The following GPC5 variants were observed in gnomAD, a reference collection of about 807,000 sequenced individuals.
The protein encoded by GPC5 is glypican 5, also known as glypican-5.
A neutral mutation model predicts 53.9 loss-of-function variants in GPC5; 47 were observed. The observed-to-expected ratio is 0.87, with a 90% CI of 0.69 to 1.11. The LOEUF (loss-of-function observed/expected upper bound fraction) is 1.11. Among genes scored for constraint, GPC5 ranks in the 50% most tolerant of loss-of-function variants. The probability of loss-of-function intolerance (pLI) is 0.00; values close to 1 mark genes in which losing one functional copy is unlikely to be tolerated. For synonymous variants in GPC5, 286 were observed against 263.3 expected, an observed-to-expected ratio of 1.09 and a Z score of -0.84; for missense variants, 748 against 713.1, an observed-to-expected ratio of 1.05 and a Z score of -0.56.
At position 92,021,470 on chromosome 13, in the gene GPC5, T is replaced by A. The variant is rs2040757707; in HGVS notation, c.1401+113413T>A. Among the ~76,000 whole-genome samples, 11 of 152,222 alleles carry A rather than the reference T, an allele frequency of 7.2e-5. 2 individuals are homozygous for A. In the Middle Eastern group the frequency reaches 0.027, roughly 377 times the overall value. Reference sequence around the variant, plus strand: ...GTAGAATGATGATGGCCAGGCCAGGTGCAGGGAACTGGGAAGGTTCTAATC... The same window carrying A: ...GTAGAATGATGATGGCCAGGCCAGGAGCAGGGAACTGGGAAGGTTCTAATC... On this transcript the variant is annotated intron_variant, in intron 6 of 7. Transcript: ENST00000377067.
chr13:91,872,153 AG>A (rs2039152417), intron 5 of GPC5, among the ~76,000 whole-genome samples: 1 of 152,170 alleles, frequency 6.6e-6, no homozygotes, highest in Non-Finnish European at 1.5e-5. Context: ...CCTCTTTTCC[AG>A]CTGTAAATGG....
chr13:92,714,632 A>C (rs1888262564), intron 7 of GPC5, among the ~76,000 whole-genome samples: 1 of 152,144 alleles, frequency 6.6e-6, no homozygotes, highest in Non-Finnish European at 1.5e-5. Context: ...AGCCTTGGAG[A>C]TATTGTGGCA....
intron 6 of GPC5, among the ~76,000 whole-genome samples, chr13:91,946,218 G>C (rs2039973377): frequency 6.6e-6 from 1 of 151,982 alleles, no homozygotes; most frequent in East Asian, 1.9e-4. Context: ...TTTGTCTCAT[G>C]GTTTCTCTGA....
At chr13:92,057,958 T>C (rs561331229) in intron 6 of GPC5, among the ~76,000 whole-genome samples, 1 of 152,082 alleles carries the variant, frequency 6.6e-6, no homozygotes, top group East Asian at 1.9e-4. Context: ...AAGTTGCAGG[T>C]TAGTTCTGGA....
intron 7 of GPC5, among the ~76,000 whole-genome samples, chr13:92,296,210 G>C (rs1236884153): frequency 6.6e-6 from 1 of 152,102 alleles, no homozygotes; most frequent in African/African-American, 2.4e-5. Context: ...CTTAGCTTTG[G>C]TGGTTTAATG....
At chr13:92,629,656 G>T (rs953613813) in intron 7 of GPC5, among the ~76,000 whole-genome samples, 1 of 152,136 alleles carries the variant, frequency 6.6e-6, no homozygotes, top group Admixed American at 6.5e-5. Context: ...AAGTCATAAA[G>T]TGTGAGCACC....
chr13:92,524,189 T>A (rs899162341), intron 7 of GPC5, among the ~76,000 whole-genome samples: 1 of 152,090 alleles, frequency 6.6e-6, no homozygotes. Context: ...AGAATTTGTT[T>A]CAAAACTTTG....
At chr13:91,678,079 T>C (rs1047085831) in intron 2 of GPC5, among the ~76,000 whole-genome samples, 1 of 152,198 alleles carries the variant, frequency 6.6e-6, no homozygotes, top group East Asian at 1.9e-4. Flanking sequence ...CTAAAAGAAT[T>C]GCCTACCTTC....
intron 2 of GPC5, among the ~76,000 whole-genome samples, chr13:91,680,684 C>A (rs1478125465): frequency 2.6e-5 from 4 of 152,150 alleles, no homozygotes; most frequent in African/African-American, 9.7e-5. Flanking sequence ...TAACAATGAT[C>A]TGAAAAGCCT....
At chr13:92,060,313 C>T (rs537195444) in intron 6 of GPC5, among the ~76,000 whole-genome samples, 2 of 152,046 alleles carry the variant, frequency 1.3e-5, no homozygotes, top group South Asian at 4.1e-4. Context: ...ATTCATTCTA[C>T]CTTTGAAATT....
At chr13:92,152,065 C>A (rs970675041) in intron 7 of GPC5, among the ~76,000 whole-genome samples, 2 of 151,778 alleles carry the variant, frequency 1.3e-5, no homozygotes, top group Non-Finnish European at 2.9e-5. Flanking sequence ...TACAGAGGAA[C>A]AGAATTATTT....
At chr13:92,282,459 G>T (rs1469891099) in intron 7 of GPC5, among the ~76,000 whole-genome samples, 1 of 152,092 alleles carries the variant, frequency 6.6e-6, no homozygotes, top group Non-Finnish European at 1.5e-5. Context: ...ATTCACCAAA[G>T]TTGAAATGAA....
At chr13:92,560,147 G>T (rs1411189240) in intron 7 of GPC5, among the ~76,000 whole-genome samples, 2 of 151,854 alleles carry the variant, frequency 1.3e-5, no homozygotes, top group Non-Finnish European at 2.9e-5. Context: ...TAAACAAATT[G>T]TGATAGAACC....
chr13:91,509,050 C>G (rs1885095862), intron 2 of GPC5, among the ~76,000 whole-genome samples: 1 of 151,948 alleles, frequency 6.6e-6, no homozygotes, highest in Non-Finnish European at 1.5e-5. Context: ...GCTTTTTGAG[C>G]CTTGAAGGTT....
rs1357236485 is a variant in GPC5, at chr13:91,985,427, C to T, written c.1401+77370C>T. Reference sequence around the variant, plus strand: ...TGCCTTTTAATTATTTGGTTCACTTCGATTTTTTAAATCTACTGTTTTGTT... The same window carrying T: ...TGCCTTTTAATTATTTGGTTCACTTTGATTTTTTAAATCTACTGTTTTGTT... On this transcript the variant is annotated intron_variant, in intron 6 of 7. Transcript: ENST00000377067. 2.0e-5 allele frequency among the ~76,000 whole-genome samples: 3 copies of T among 146,992 alleles called. No homozygotes were observed. In the South Asian group the frequency reaches 6.4e-4, roughly 31 times the overall value.
chr13:92,548,964 C>A (rs1181027028), intron 7 of GPC5, among the ~76,000 whole-genome samples: 1 of 151,978 alleles, frequency 6.6e-6, no homozygotes, highest in Non-Finnish European at 1.5e-5. Flanking sequence ...ACAGGTGGTA[C>A]AATATACATG....
At chr13:92,098,575 G>T (rs996793736) in intron 6 of GPC5, among the ~76,000 whole-genome samples, 2 of 152,100 alleles carry the variant, frequency 1.3e-5, no homozygotes, top group African/African-American at 4.8e-5. Context: ...GTAAAAGGCA[G>T]AAAAAATGCC....
At chr13:92,690,644 T>C (rs1275645726) in intron 7 of GPC5, among the ~76,000 whole-genome samples, 3 of 145,928 alleles carry the variant, frequency 2.1e-5, no homozygotes, top group Non-Finnish European at 4.5e-5. Flanking sequence ...AGAGGCGCTC[T>C]GCGTTTTACA....
chr13:92,461,123 T>C (rs578255780), intron 7 of GPC5, among the ~76,000 whole-genome samples: 5 of 152,286 alleles, frequency 3.3e-5, no homozygotes, highest in Admixed American at 6.5e-5. Flanking sequence ...TCCTGTAAAC[T>C]TTCTATTTGG....
Sources: gnomAD v4.1 joint callset for allele counts (sites outside exome capture counted in the v4.1 genomes callset) on GRCh38, gnomAD v4.1.1 for gene constraint, MANE v1.5 for transcripts, NCBI Gene and HGNC (gene_info 2026-07-23, HGNC 2026-07-21) for gene names.